MDGA2: variants seen among roughly 807,000 people sequenced by gnomAD.
The protein encoded by MDGA2 is MAM domain-containing glycosylphosphatidylinositol anchor protein 2.
MDGA2 carries 40 observed loss-of-function variants against 117.8 expected under a neutral mutation model. The observed-to-expected ratio is 0.34, with a 90% CI of 0.26 to 0.44. The LOEUF is 0.44. MDGA2 is among the 20% of genes least tolerant of loss of function. The pLI, the probability that MDGA2 is intolerant of heterozygous loss-of-function variation, is 1.00. For synonymous variants in MDGA2, 452 were observed against 439.0 expected (o/e 1.03, Z -0.37); for missense variants, 1,123 against 1,250.6 (o/e 0.90, Z 1.54).
chr14:47,113,376 G>A (rs2209648), intron 5 of MDGA2, among the ~76,000 whole-genome samples: 81,763 of 151,776 alleles, frequency 0.54, 22,299 homozygotes, highest in African/African-American at 0.65. Flanking sequence ...TATTCCAAAC[G>A]ATCAAAAAGG....
rs568965504 is a variant in MDGA2, at chr14:47,240,055, G to GT, written c.421-21861dup. 3.4e-3 allele frequency among the ~76,000 whole-genome samples: 518 copies of GT among 150,332 alleles called. 7 individuals are homozygous for GT. Among genetic ancestry groups the GT allele is most frequent in the African/African-American group, 9.6e-3 (394 of 41,100 alleles). ...TTTTTGGTTAGAAACAGTTTTTGCT[G>GT]TTTTTTTTTGAGACAGTCTTGCTCT... On this transcript the variant is annotated intron_variant, in intron 2 of 16. Coordinates refer to ENST00000399232, the MANE Select transcript of MDGA2 (RefSeq NM_001113498.3).
chr14:47,264,849 C>A (rs1320091082), intron 2 of MDGA2, among the ~76,000 whole-genome samples: 1 of 151,914 alleles, frequency 6.6e-6, no homozygotes, highest in Non-Finnish European at 1.5e-5. Context: ...TGCTATTCCA[C>A]CCCTAGCCTC....
At position 47,097,142 on chromosome 14, in the gene MDGA2, A is replaced by G. The variant is rs1880020310; in HGVS notation, c.926-19T>C. The G allele has an allele frequency of 6.2e-7, 1 of 1,607,490 alleles. No homozygotes were observed. The highest frequency in any genetic ancestry group is 1.3e-5 in the African/African-American group (1 of 74,698). ...GGTGATGCTAAAAGACATAAACAGA[A>G]GAACGTGCACCTATTTAGATATGCT... On this transcript the variant is annotated intron_variant, in intron 5 of 16. Transcript: ENST00000399232.
chr14:47,599,533 T>C (rs913924156), intron 1 of MDGA2, among the ~76,000 whole-genome samples: 3 of 152,126 alleles, frequency 2.0e-5, no homozygotes, highest in Admixed American at 6.6e-5. Context: ...ACCAATGAAT[T>C]TGATCCCATA....
chr14:47,252,624 A>T (rs1887483957), intron 2 of MDGA2, among the ~76,000 whole-genome samples: 1 of 152,198 alleles, frequency 6.6e-6, no homozygotes, highest in Non-Finnish European at 1.5e-5. Flanking sequence ...TGGTGATGAA[A>T]CACAAGTGCT....
rs1165868581 is a variant in MDGA2, at chr14:47,104,396, T to G, written c.926-7273A>C. Among the ~76,000 whole-genome samples, 19 of 149,438 alleles carry G rather than the reference T, an allele frequency of 1.3e-4. 1 individual carries two copies. Among genetic ancestry groups the G allele is most frequent in the Admixed American group, 1.1e-3 (17 of 15,012 alleles). On this transcript the variant is annotated intron_variant, in intron 5 of 16. Coordinates refer to ENST00000399232, the MANE Select transcript of MDGA2 (RefSeq NM_001113498.3). ...TGACATTACCTTGTGAAAGTCCTTT[T>G]CCTGGCTCATCCTGGCTCAAAAAGC...
intron 1 of MDGA2, among the ~76,000 whole-genome samples, chr14:47,428,771 A>G (rs566679647): frequency 2.7e-4 from 41 of 152,114 alleles, no homozygotes; most frequent in African/African-American, 9.9e-4. Context: ...ACATACCCAC[A>G]CATACATAAA....
At chr14:47,574,542 C>A (rs1896081147) in intron 1 of MDGA2, among the ~76,000 whole-genome samples, 1 of 152,098 alleles carries the variant, frequency 6.6e-6, no homozygotes, top group South Asian at 2.1e-4. Context: ...TACCCTAATT[C>A]TAGTTAATCC....
At chr14:47,071,056 T>C (rs1252108942) in intron 6 of MDGA2, among the ~76,000 whole-genome samples, 1 of 152,246 alleles carries the variant, frequency 6.6e-6, no homozygotes, top group African/African-American at 2.4e-5. Context: ...AATTTTTCTT[T>C]CACAACATTA....
rs959631344 is a variant in MDGA2 at position 47,291,660 on chromosome 14, T to G, written c.420+9751A>C. Reference sequence around the variant, plus strand: ...GTAGATTATCAGCATTACGTGGCTGTCTGAGAGCTGAAGCTCGCTGCCACT... The same window carrying G: ...GTAGATTATCAGCATTACGTGGCTGGCTGAGAGCTGAAGCTCGCTGCCACT... On this transcript the variant is annotated intron_variant, in intron 2 of 16. Transcript: ENST00000399232. Among the ~76,000 whole-genome samples the G allele has an allele frequency of 3.9e-5, 6 of 152,208 alleles. No individual in the cohort carries two copies. In the South Asian group the frequency reaches 6.2e-4, roughly 16 times the overall value.
intron 10 of MDGA2, among the ~76,000 whole-genome samples, chr14:46,899,188 C>A (rs1374694641): frequency 6.6e-6 from 1 of 152,014 alleles, no homozygotes; most frequent in Non-Finnish European, 1.5e-5. Flanking sequence ...ATTAATTATA[C>A]CAGGTAATAG....
chr14:47,452,171 T>C (rs1893255264), intron 1 of MDGA2, among the ~76,000 whole-genome samples: 1 of 152,022 alleles, frequency 6.6e-6, no homozygotes, highest in African/African-American at 2.4e-5. Context: ...CAAAAGTTTC[T>C]CAGTGCCCTC....
intron 3 of MDGA2, among the ~76,000 whole-genome samples, chr14:47,163,058 C>T (rs1390551390): frequency 6.6e-6 from 1 of 152,150 alleles, no homozygotes; most frequent in African/African-American, 2.4e-5. Flanking sequence ...TGACACAGGA[C>T]ACTATTGATA....
intron 1 of MDGA2, among the ~76,000 whole-genome samples, chr14:47,657,947 G>T (rs1313894325): frequency 6.6e-6 from 1 of 152,102 alleles, no homozygotes; most frequent in Non-Finnish European, 1.5e-5. Flanking sequence ...AGAACCAAGA[G>T]GAGACAGTGT....
At chr14:47,290,410 C>T (rs183489993) in intron 2 of MDGA2, among the ~76,000 whole-genome samples, 1 of 151,964 alleles carries the variant, frequency 6.6e-6, no homozygotes, top group African/African-American at 2.4e-5. Flanking sequence ...TTTCTCAGCC[C>T]CCAGGACTGT....
At position 47,354,320 on chromosome 14, in the gene MDGA2, G is replaced by C. The variant is rs145378139; in HGVS notation, c.281-52770C>G. On this transcript the variant is annotated intron_variant, in intron 1 of 16. Coordinates refer to ENST00000399232, the MANE Select transcript of MDGA2 (RefSeq NM_001113498.3). Reference sequence around the variant, plus strand: ...GTTTTGGGGTACACACTGTGAAAAAGTACCTACCTGCAACCACTGCACATT... The same window carrying C: ...GTTTTGGGGTACACACTGTGAAAAACTACCTACCTGCAACCACTGCACATT... Among the ~76,000 whole-genome samples, 618 of 152,170 alleles carry C rather than the reference G, an allele frequency of 4.1e-3. 2 individuals carry two copies. The highest frequency in any genetic ancestry group is 0.014 in the African/African-American group (598 of 41,514).
intron 1 of MDGA2, among the ~76,000 whole-genome samples, chr14:47,673,632 A>ATGTGTGGGTG (rs1898115473): frequency 6.9e-6 from 1 of 143,980 alleles, no homozygotes; most frequent in Non-Finnish European, 1.5e-5. Flanking sequence ...TATGACCTGG[A>ATGTGTGGGTG]TGTGTGTGTG....
At chr14:47,601,217 G>GAGGCATGA (rs1424574622) in intron 1 of MDGA2, among the ~76,000 whole-genome samples, 32 of 152,110 alleles carry the variant, frequency 2.1e-4, no homozygotes, top group Non-Finnish European at 4.6e-4. Context: ...AGTGAGACAG[G>GAGGCATGA]AGGCATGAAG....
intron 1 of MDGA2, among the ~76,000 whole-genome samples, chr14:47,447,827 C>T (rs751748679): frequency 6.6e-6 from 1 of 152,160 alleles, no homozygotes. Context: ...ATTTCTCAGG[C>T]AGAAATAAAA....
Sources: gnomAD v4.1 joint callset for allele counts (sites outside exome capture counted in the v4.1 genomes callset) on GRCh38, gnomAD v4.1.1 for gene constraint, MANE v1.5 for transcripts, NCBI Gene and HGNC (gene_info 2026-07-23, HGNC 2026-07-21) for gene names.